METTL15: variants seen among roughly 807,000 people sequenced by gnomAD.
METTL15 encodes the protein methyltransferase 15, mitochondrial 12S rRNA N4-cytidine, also known as 12S rRNA N(4)-cytidine methyltransferase METTL15.
A neutral mutation model predicts 38.3 loss-of-function variants in METTL15; 34 were observed. That is an observed-to-expected ratio of 0.89 (90% CI 0.68 to 1.18). The LOEUF is 1.18. Ranked by LOEUF, METTL15 falls within the 50% of genes most tolerant of loss-of-function variation. The pLI is 0.00. For missense variants in METTL15, 438 were observed against 498.4 expected, an observed-to-expected ratio of 0.88 and a Z score of 1.15; for synonymous variants, 162 against 170.9, an observed-to-expected ratio of 0.95 and a Z score of 0.41.
chr11:28,498,449 T>C (rs1851554653), intron 6 of METTL15, among the ~76,000 whole-genome samples: 1 of 152,158 alleles, frequency 6.6e-6, no homozygotes, highest in African/African-American at 2.4e-5. Context: ...TGAGCCACCG[T>C]GCCTGGCCTC....
At chr11:28,503,162 C>T (rs1163809075) in intron 6 of METTL15, among the ~76,000 whole-genome samples, 1 of 152,148 alleles carries the variant, frequency 6.6e-6, no homozygotes, top group African/African-American at 2.4e-5. Context: ...TGGTAAAGTA[C>T]AAACTGCCTT....
intron 5 of METTL15, among the ~76,000 whole-genome samples, chr11:28,291,050 CT>C (rs1313497959): frequency 1.1e-3 from 153 of 133,628 alleles, no homozygotes; most frequent in Middle Eastern, 7.5e-3. Context: ...TAATTCTTTT[CT>C]TTTTTTTTTT....
chr11:28,470,893 A>G (rs1851297942), intron 6 of METTL15, among the ~76,000 whole-genome samples: 2 of 152,044 alleles, frequency 1.3e-5, no homozygotes, highest in Admixed American at 1.3e-4. Flanking sequence ...TTTTAAGATA[A>G]TTTCTTCTTA....
At chr11:28,415,632 C>T (rs1850766128) in intron 5 of METTL15, among the ~76,000 whole-genome samples, 1 of 152,160 alleles carries the variant, frequency 6.6e-6, no homozygotes, top group African/African-American at 2.4e-5. Flanking sequence ...TACTACAGTA[C>T]AGAGCCTTGG....
intron 5 of METTL15, among the ~76,000 whole-genome samples, chr11:28,401,249 A>G (rs1267688647): frequency 1.3e-5 from 2 of 152,004 alleles, no homozygotes; most frequent in Admixed American, 1.3e-4. Flanking sequence ...ACTTGCCTGG[A>G]GGAAGAATCA....
At chr11:28,122,088 T>TA (rs1357362043) in intron 3 of METTL15, 1 of 1,116,200 alleles carries the variant, frequency 9.0e-7, no homozygotes, top group Non-Finnish European at 1.1e-6. Context: ...CTGTAATGTG[T>TA]ATTAACTCCA....
chr11:28,367,448 C>A lies in METTL15; in HGVS notation c.*358+5412C>A, dbSNP rs149567116. Among the ~76,000 whole-genome samples, 232 of 152,146 alleles carry A rather than the reference C, an allele frequency of 1.5e-3. 1 individual carries two copies. The highest frequency in any genetic ancestry group is 1.7e-3 in the Non-Finnish European group (117 of 68,000). ...TCCTCTTACAAGGGATGTGAAGGAC[C>A]TTTTCAAGGAGAACTACAAACCACT... On this transcript the variant is annotated intron_variant and NMD_transcript_variant, in intron 5 of 7. Transcript: ENST00000532947.
At chr11:28,312,565 CT>C (rs11329640) in intron 6 of METTL15, among the ~76,000 whole-genome samples, 70,278 of 151,914 alleles carry the variant, frequency 0.46, 17,790 homozygotes, top group Admixed American at 0.56. Context: ...TTTCTTTGTT[CT>C]TTTTTTCTTG....
At chr11:28,115,206 A>G (rs1851887625) in intron 3 of METTL15, among the ~76,000 whole-genome samples, 2 of 152,172 alleles carry the variant, frequency 1.3e-5, no homozygotes, top group Non-Finnish European at 2.9e-5. Context: ...ACTATTGACC[A>G]GAAACCTTGC....
At chr11:28,272,230 A>G (rs554140208) in intron 4 of METTL15, among the ~76,000 whole-genome samples, 5 of 152,320 alleles carry the variant, frequency 3.3e-5, no homozygotes, top group African/African-American at 9.6e-5. Context: ...ATATACCCAA[A>G]GGATTATAAA....
chr11:28,526,158 C>T (rs946067132), intron 6 of METTL15, among the ~76,000 whole-genome samples: 1 of 152,096 alleles, frequency 6.6e-6, no homozygotes, highest in African/African-American at 2.4e-5. Flanking sequence ...TTCCCACCTG[C>T]GCCTCTCCCG....
At chr11:28,219,396 G>A (rs990843691) in intron 4 of METTL15, among the ~76,000 whole-genome samples, 2 of 151,950 alleles carry the variant, frequency 1.3e-5, no homozygotes, top group Non-Finnish European at 2.9e-5. Flanking sequence ...CTGTGGGATC[G>A]GTGGTGATAT....
intron 4 of METTL15, among the ~76,000 whole-genome samples, chr11:28,289,393 C>G (rs552276680): frequency 6.6e-6 from 1 of 152,192 alleles, no homozygotes; most frequent in African/African-American, 2.4e-5. Context: ...CGTAAATTAT[C>G]CAACACTGTT....
intron 4 of METTL15, among the ~76,000 whole-genome samples, chr11:28,249,804 C>T (rs193255994): frequency 7.9e-5 from 12 of 151,798 alleles, no homozygotes; most frequent in Middle Eastern, 3.4e-3. Flanking sequence ...GGAGGTTTGG[C>T]GTATAGATTA....
chr11:28,395,115 C>T (rs569202851), intron 5 of METTL15, among the ~76,000 whole-genome samples: 1 of 152,062 alleles, frequency 6.6e-6, no homozygotes, highest in Non-Finnish European at 1.5e-5. Context: ...TCTGCCCTCA[C>T]TTGACAATTA....
In METTL15 at chr11:28,507,398, C is replaced by T. The variant is rs181106998; in HGVS notation, c.*425-19080C>T. 3.3e-3 allele frequency among the ~76,000 whole-genome samples: 505 copies of T among 152,260 alleles called. 1 individual carries two copies. Among genetic ancestry groups the T allele is most frequent in the Non-Finnish European group, 4.8e-3 (326 of 68,014 alleles). On this transcript the variant is annotated intron_variant and NMD_transcript_variant, in intron 6 of 7. Transcript: ENST00000532947. ...TCACAAGAACAGCAAAGGGAAAATC[C>T]AACCCCCATAATCCCATCACCTCCC... is the stretch of plus-strand genomic sequence containing the variant.
At chr11:28,148,633 T>C (rs1849971475) in intron 3 of METTL15, among the ~76,000 whole-genome samples, 1 of 151,970 alleles carries the variant, frequency 6.6e-6, no homozygotes, top group African/African-American at 2.4e-5. Context: ...GTCTAAGTCT[T>C]TGGCTTTTTA....
chr11:28,312,346 A>ATT (rs1307243122), intron 6 of METTL15, among the ~76,000 whole-genome samples: 1 of 152,214 alleles, frequency 6.6e-6, no homozygotes, highest in Non-Finnish European at 1.5e-5. Flanking sequence ...CTTCCTAAAA[A>ATT]GAAGAAAAAA....
intron 6 of METTL15, among the ~76,000 whole-genome samples, chr11:28,310,968 GT>G (rs1857276772): frequency 4.7e-4 from 55 of 115,796 alleles, no homozygotes; most frequent in African/African-American, 2.0e-3. Context: ...GGTGGTGGGT[GT>G]GTGTGTGTGT....
Sources: gnomAD v4.1 joint callset for allele counts (sites outside exome capture counted in the v4.1 genomes callset) on GRCh38, gnomAD v4.1.1 for gene constraint, MANE v1.5 for transcripts, NCBI Gene and HGNC (gene_info 2026-07-23, HGNC 2026-07-21) for gene names.